Variants in PPFIA2 observed in about 807,000 individuals in gnomAD.
The protein encoded by PPFIA2 is PPFI scaffold protein A2, also known as liprin-alpha-2.
Under a neutral mutation model 175.5 loss-of-function variants are expected in PPFIA2, and 46 were observed. That is an observed-to-expected ratio of 0.26 (90% CI 0.21 to 0.34). The LOEUF (loss-of-function observed/expected upper bound fraction) is 0.34. Ranked by LOEUF, PPFIA2 falls within the 10% of genes least tolerant of loss-of-function variation. The pLI is 1.00. For synonymous variants in PPFIA2, 568 were observed against 511.4 expected (o/e 1.11, Z -1.49); for missense variants, 1,179 against 1,506.1 (o/e 0.78, Z 3.60).
intron 4 of PPFIA2, among the ~76,000 whole-genome samples, chr12:81,504,743 C>T (rs2060961313): frequency 1.3e-5 from 2 of 152,114 alleles, no homozygotes; most frequent in South Asian, 2.1e-4. Flanking sequence ...TGGAACCAAC[C>T]CAAATGCCCA....
chr12:81,503,541 T>C (rs1033947331), intron 4 of PPFIA2, among the ~76,000 whole-genome samples: 4 of 134,502 alleles, frequency 3.0e-5, no homozygotes, highest in Non-Finnish European at 6.3e-5. Context: ...CATCCTTTTG[T>C]TATTTTGCTA....
At position 81,751,534 on chromosome 12, in the gene PPFIA2, TACACAC is replaced by T. The variant is rs10591884; in HGVS notation, c.249+2433_249+2438del. ...TCAGGAGGATTGTTCTATAATATGC[TACACAC>T]ACACACACACACACACACACACACA... On this transcript the variant is annotated intron_variant, in intron 3 of 32. Coordinates refer to ENST00000549396, the MANE Select transcript of PPFIA2 (RefSeq NM_003625.5). Among the ~76,000 whole-genome samples the T allele has an allele frequency of 2.0e-3, 291 of 144,268 alleles. 2 individuals are homozygous for T. The highest frequency in any genetic ancestry group is 6.9e-3 in the African/African-American group (272 of 39,138). 94.6% of individuals were successfully genotyped at this position (144,268 alleles called of 152,430 possible). A position where few individuals can be genotyped will look rare whatever the true frequency, so the allele number is the denominator to read the frequency against.
intron 4 of PPFIA2, among the ~76,000 whole-genome samples, chr12:81,562,929 A>G (rs1229736875): frequency 6.7e-6 from 1 of 150,100 alleles, no homozygotes; most frequent in Non-Finnish European, 1.5e-5. Flanking sequence ...TTCCAATAGG[A>G]TAATATAACA....
At chr12:81,399,297 A>AC (rs1238792192) in intron 8 of PPFIA2, among the ~76,000 whole-genome samples, 2 of 149,288 alleles carry the variant, frequency 1.3e-5, no homozygotes, top group African/African-American at 4.9e-5. Flanking sequence ...TCACAAAAAA[A>AC]AAAAAAAAAA....
chr12:81,408,752 C>T (rs2043373866), intron 7 of PPFIA2, among the ~76,000 whole-genome samples: 1 of 152,164 alleles, frequency 6.6e-6, no homozygotes, highest in South Asian at 2.1e-4. Flanking sequence ...CAACCACTAA[C>T]ATGCAAACTT....
intron 3 of PPFIA2, among the ~76,000 whole-genome samples, chr12:81,685,862 A>C (rs887019031): frequency 3.3e-5 from 5 of 152,066 alleles, no homozygotes; most frequent in Admixed American, 1.3e-4. Flanking sequence ...ACATTTATTA[A>C]GCATTTACTG....
At chr12:81,433,876 C>T (rs938004307) in intron 7 of PPFIA2, among the ~76,000 whole-genome samples, 3 of 151,988 alleles carry the variant, frequency 2.0e-5, no homozygotes, top group Non-Finnish European at 4.4e-5. Flanking sequence ...GTTGAACAGT[C>T]GTAATACAGG....
chr12:81,742,267 G>A (rs990249793), intron 3 of PPFIA2, among the ~76,000 whole-genome samples: 1 of 152,142 alleles, frequency 6.6e-6, no homozygotes, highest in South Asian at 2.1e-4. Context: ...CTTTTTATCC[G>A]AATCAGAATC....
At chr12:81,740,707 C>T (rs1038437239) in intron 3 of PPFIA2, among the ~76,000 whole-genome samples, 2 of 151,884 alleles carry the variant, frequency 1.3e-5, no homozygotes, top group African/African-American at 4.8e-5. Flanking sequence ...ATATTAAGTA[C>T]AACAAATTAG....
intron 4 of PPFIA2, among the ~76,000 whole-genome samples, chr12:81,584,224 T>C (rs2074848817): frequency 6.6e-6 from 1 of 151,914 alleles, no homozygotes; most frequent in Non-Finnish European, 1.5e-5. Flanking sequence ...CCTTATATAT[T>C]AAATATTTAA....
chr12:81,632,833 G>T (rs777486552), intron 4 of PPFIA2, among the ~76,000 whole-genome samples: 16 of 152,010 alleles, frequency 1.1e-4, no homozygotes, highest in Non-Finnish European at 2.2e-4. Context: ...GATTTACAAG[G>T]CCATGGATAC....
At chr12:81,556,607 T>G (rs1411059892) in intron 4 of PPFIA2, among the ~76,000 whole-genome samples, 1 of 151,862 alleles carries the variant, frequency 6.6e-6, no homozygotes, top group Non-Finnish European at 1.5e-5. Flanking sequence ...GTGGGAAAAT[T>G]TGTGCAAGTT....
Position 81,339,317 on chromosome 12 carries a change from A to G in PPFIA2, c.2411T>C (p.Leu804Pro). The change falls in exon 21 of 33, where the codon CTT becomes CCT. Residue 804 changes from leucine to proline, a missense_variant. By Grantham distance (98) the Leu-to-Pro change is moderately conservative (BLOSUM62 -3). Coordinates refer to ENST00000549396, the MANE Select transcript of PPFIA2 (RefSeq NM_003625.5). ...ACCAAGCCCGAGGCTTTCTGGCTCAAGAGAGACAGATAAACTACTGCAAAA... is the reference window on the plus strand; with the variant it reads ...ACCAAGCCCGAGGCTTTCTGGCTCAGGAGAGACAGATAAACTACTGCAAAA... ...NDARSSLSVS[L>P]EPESLGLGSA... 6.3e-7 allele frequency: 1 copy of G among 1,594,086 alleles called. No homozygotes were observed.
intron 15 of PPFIA2, among the ~76,000 whole-genome samples, chr12:81,360,323 G>A (rs1049991752): frequency 6.6e-6 from 1 of 151,860 alleles, no homozygotes; most frequent in African/African-American, 2.4e-5. Flanking sequence ...GTTCCTTTAA[G>A]CAATGAACCC....
At chr12:81,311,732 CAAAAAAAA>C (rs1050904857) in intron 22 of PPFIA2, among the ~76,000 whole-genome samples, 2 of 48,390 alleles carry the variant, frequency 4.1e-5, no homozygotes, top group Non-Finnish European at 4.0e-5. Context: ...GACTCTGTCT[CAAAAAAAA>C]AAAAAAAAAA....
chr12:81,312,061 A>G lies in PPFIA2; in HGVS notation c.2643-12679T>C. On this transcript the variant is annotated intron_variant, in intron 22 of 32. Transcript: ENST00000549396. ...TTTCATTTCAGGTCAGAGGCAGTGCAGCTTGTGTTACAACTCAAAAGAGTA... is the reference window on the plus strand; with the variant it reads ...TTTCATTTCAGGTCAGAGGCAGTGCGGCTTGTGTTACAACTCAAAAGAGTA... 7 of 1,148,078 alleles carry G rather than the reference A, an allele frequency of 6.1e-6. No individual in the cohort carries two copies. The South Asian group carries it at 9.7e-5, about 16-fold the overall frequency. The allele number at this position is 1,148,078 out of a possible 1,614,324, so 71.1% of individuals were successfully genotyped here. A position where few individuals can be genotyped will look rare whatever the true frequency, so the allele number is the denominator to read the frequency against.
chr12:81,476,253 A>G (rs2057462842), intron 4 of PPFIA2, among the ~76,000 whole-genome samples: 1 of 152,172 alleles, frequency 6.6e-6, no homozygotes, highest in African/African-American at 2.4e-5. Context: ...TGATGTTGAG[A>G]GTTTAAAAGC....
chr12:81,538,677 G>A, intron 4 of PPFIA2, among the ~76,000 whole-genome samples: 1 of 151,790 alleles, frequency 6.6e-6, no homozygotes, highest in East Asian at 1.9e-4. Context: ...AAATACAAGG[G>A]CCCTCAGGTG....
chr12:81,612,576 T>G (rs1012999719), intron 4 of PPFIA2, among the ~76,000 whole-genome samples: 3 of 152,230 alleles, frequency 2.0e-5, no homozygotes, highest in Non-Finnish European at 4.4e-5. Context: ...CACCATTCAT[T>G]GAGGATGTCA....
Sources: gnomAD v4.1 joint callset for allele counts (sites outside exome capture counted in the v4.1 genomes callset) on GRCh38, gnomAD v4.1.1 for gene constraint, MANE v1.5 for transcripts, NCBI Gene and HGNC (gene_info 2026-07-23, HGNC 2026-07-21) for gene names.